DNAJC1: variants seen among roughly 807,000 people sequenced by gnomAD.
DNAJC1 encodes the protein DnaJ heat shock protein family (Hsp40) member C1.
In DNAJC1, 58 loss-of-function variants were observed where a neutral mutation model predicts 76.6. That is an observed-to-expected ratio of 0.76 (90% CI 0.61 to 0.94). DNAJC1 has a LOEUF of 0.94. DNAJC1 is among the 40% of genes least tolerant of loss of function. DNAJC1 has a pLI of 0.00. For synonymous variants in DNAJC1, 258 were observed against 267.9 expected (o/e 0.96, Z 0.36); for missense variants, 689 against 677.3 (o/e 1.02, Z -0.19).
At chr10:21,853,506 C>T (rs1835786399) in intron 8 of DNAJC1, among the ~76,000 whole-genome samples, 1 of 152,078 alleles carries the variant, frequency 6.6e-6, no homozygotes, top group African/African-American at 2.4e-5. Context: ...ACTTTGGCCT[C>T]CCTGACCTTT....
At chr10:21,975,908 G>T (rs950519791) in intron 1 of DNAJC1, among the ~76,000 whole-genome samples, 5 of 152,018 alleles carry the variant, frequency 3.3e-5, no homozygotes, top group African/African-American at 7.2e-5. Flanking sequence ...TGGCCTAAAG[G>T]TTTTTTTAAA....
intron 1 of DNAJC1, among the ~76,000 whole-genome samples, chr10:21,969,339 A>G (rs1246400218): frequency 6.6e-6 from 1 of 152,174 alleles, no homozygotes; most frequent in Non-Finnish European, 1.5e-5. Context: ...GATATCAGAC[A>G]TATTTAGCAA....
intron 9 of DNAJC1, among the ~76,000 whole-genome samples, chr10:21,773,143 G>A (rs1028001728): frequency 1.3e-5 from 2 of 152,078 alleles, no homozygotes; most frequent in Non-Finnish European, 2.9e-5. Flanking sequence ...CCATATCACT[G>A]CCCTGCTTTT....
intron 1 of DNAJC1, among the ~76,000 whole-genome samples, chr10:21,965,254 G>T (rs1437765648): frequency 1.3e-5 from 2 of 152,040 alleles, no homozygotes; most frequent in African/African-American, 2.4e-5. Flanking sequence ...AGTCTAATCT[G>T]CTGTCTAGTC....
intron 9 of DNAJC1, among the ~76,000 whole-genome samples, chr10:21,778,552 C>T (rs931532744): frequency 6.6e-6 from 1 of 152,120 alleles, no homozygotes; most frequent in Non-Finnish European, 1.5e-5. Context: ...TATTTACTTG[C>T]ATATTCATTC....
chr10:21,994,103 T>G (rs2131849588), intron 1 of DNAJC1, among the ~76,000 whole-genome samples: 1 of 152,346 alleles, frequency 6.6e-6, no homozygotes, highest in East Asian at 1.9e-4. Context: ...ATTCAGATCT[T>G]TTTATCAATA....
chr10:21,862,893 G>T (rs1455510282), intron 8 of DNAJC1, among the ~76,000 whole-genome samples: 1 of 152,088 alleles, frequency 6.6e-6, no homozygotes, highest in Non-Finnish European at 1.5e-5. Flanking sequence ...GGTACTTTGG[G>T]AGGCCAAGGT....
At chr10:21,784,482 G>A (rs1464647314) in intron 9 of DNAJC1, among the ~76,000 whole-genome samples, 1 of 152,200 alleles carries the variant, frequency 6.6e-6, no homozygotes, top group Non-Finnish European at 1.5e-5. Flanking sequence ...CATTGTGGAA[G>A]TCAGTGTGGT....
At chr10:21,821,323 A>C (rs1171996792) in intron 8 of DNAJC1, among the ~76,000 whole-genome samples, 1 of 152,218 alleles carries the variant, frequency 6.6e-6, no homozygotes, top group Non-Finnish European at 1.5e-5. Context: ...GGAATTGTAG[A>C]AAAAAATGCA....
At chr10:21,995,971 A>C (rs1406602896) in intron 1 of DNAJC1, among the ~76,000 whole-genome samples, 4 of 152,222 alleles carry the variant, frequency 2.6e-5, no homozygotes, top group African/African-American at 9.7e-5. Context: ...AAAATGAAAT[A>C]CTATGCTGTT....
intron 8 of DNAJC1, among the ~76,000 whole-genome samples, chr10:21,806,510 T>C (rs554398092): frequency 4.7e-5 from 7 of 148,740 alleles, no homozygotes; most frequent in South Asian, 4.3e-4. Context: ...GGCTCTCTCT[T>C]TTTTTTTTTA....
Position 21,944,014 on chromosome 10 carries a change from C to T in DNAJC1, c.223-14873G>A, listed in dbSNP as rs151056083. On this transcript the variant is annotated intron_variant, in intron 1 of 11. Transcript: ENST00000376980. The stretch of plus-strand genomic sequence containing the variant: ...CCACCTTCTAAAACATACACAAGTA[C>T]ATCTCATTGGCCAAATCTACCTTAT... Among the ~76,000 whole-genome samples, 31 of 151,968 alleles carry T rather than the reference C, an allele frequency of 2.0e-4. No individual in the cohort carries two copies. In the East Asian group the frequency reaches 5.8e-3, roughly 28 times the overall value.
intron 9 of DNAJC1, among the ~76,000 whole-genome samples, chr10:21,776,740 A>C (rs1834457800): frequency 6.6e-6 from 1 of 152,200 alleles, no homozygotes; most frequent in Non-Finnish European, 1.5e-5. Context: ...AGATGATAAT[A>C]ATGTTCATCT....
At position 21,882,457 on chromosome 10, in the gene DNAJC1, G is replaced by T. The variant is rs372720701; in HGVS notation, c.821-18C>A. ...CTTCTGTTCTAAAAAATGTTTAAAA[G>T]AACCAATTATTGAGATTTTTAAAGA... On this transcript the variant is annotated intron_variant, in intron 7 of 11. Transcript: ENST00000376980. 125 of 1,424,864 alleles carry T rather than the reference G, an allele frequency of 8.8e-5. No homozygotes were observed. The highest frequency in any genetic ancestry group is 1.1e-4 in the Non-Finnish European group (119 of 1,065,738). 88.3% of individuals were successfully genotyped at this position (1,424,864 alleles called of 1,614,324 possible).
chr10:21,786,427 AATATATATATATATATATAT>A (rs71472824), intron 9 of DNAJC1, among the ~76,000 whole-genome samples: 20 of 31,392 alleles, frequency 6.4e-4, no homozygotes, highest in South Asian at 3.4e-3. Flanking sequence ...TTAAAATGGG[AATATATATATATATATATAT>A]ATATATATAT....
chr10:21,891,453 C>G (rs751654258), intron 7 of DNAJC1, among the ~76,000 whole-genome samples: 5 of 140,618 alleles, frequency 3.6e-5, no homozygotes, highest in Non-Finnish European at 7.7e-5. Flanking sequence ...ACATAAAGTG[C>G]CCAATCTGAA....
intron 7 of DNAJC1, among the ~76,000 whole-genome samples, chr10:21,890,180 G>A (rs1000788447): frequency 2.9e-4 from 44 of 151,994 alleles, no homozygotes; most frequent in African/African-American, 9.2e-4. Flanking sequence ...GGGAGGCTGG[G>A]GGGGGGTGGA....
chr10:21,888,921 T>C (rs1257868020), intron 7 of DNAJC1, among the ~76,000 whole-genome samples: 21 of 152,300 alleles, frequency 1.4e-4, no homozygotes, highest in African/African-American at 4.1e-4. Context: ...TATTTATTTT[T>C]CTAAACTTTT....
At position 21,843,671 on chromosome 10, in the gene DNAJC1, C is replaced by T. The variant is rs756852550; in HGVS notation, c.979-37572G>A. Among the ~76,000 whole-genome samples, 43 of 152,146 alleles carry T rather than the reference C, an allele frequency of 2.8e-4. 1 individual carries two copies. The highest frequency in any genetic ancestry group is 5.6e-4 in the Non-Finnish European group (38 of 68,008). The stretch of plus-strand genomic sequence containing the variant: ...CCTCCCAAAGTGCTGGGATAACAGG[C>T]GTGAGCCACTGTGCCTGGCCTACTT... On this transcript the variant is annotated intron_variant, in intron 8 of 11. Coordinates refer to ENST00000376980, the MANE Select transcript of DNAJC1 (RefSeq NM_022365.4).
Sources: gnomAD v4.1 joint callset for allele counts (sites outside exome capture counted in the v4.1 genomes callset) on GRCh38, gnomAD v4.1.1 for gene constraint, MANE v1.5 for transcripts, NCBI Gene and HGNC (gene_info 2026-07-23, HGNC 2026-07-21) for gene names.